Variants in ASCC3 observed in about 807,000 individuals in gnomAD.
ASCC3 encodes the protein activating signal cointegrator 1 complex subunit 3, also known as ASC-1 complex subunit P200.
ASCC3 carries 158 observed loss-of-function variants against 256.3 expected under a neutral mutation model. The ratio of observed to expected loss-of-function variants is 0.62; its 90% CI spans 0.54 to 0.70. The LOEUF (loss-of-function observed/expected upper bound fraction) is 0.70. ASCC3 is among the 30% of genes least tolerant of loss of function. ASCC3 has a pLI of 0.00. For missense variants in ASCC3, 2,259 were observed against 2,626.0 expected (o/e 0.86, Z 3.05); for synonymous variants, 948 against 883.4 (o/e 1.07, Z -1.30).
chr6:100,736,391 A>G (rs1267284600), intron 10 of ASCC3, among the ~76,000 whole-genome samples: 1 of 152,114 alleles, frequency 6.6e-6, no homozygotes, highest in Admixed American at 6.5e-5. Flanking sequence ...AATCCCAGCT[A>G]CTCAGAAGCT....
chr6:100,694,752 A>G (rs1778004433), intron 13 of ASCC3, among the ~76,000 whole-genome samples: 1 of 152,186 alleles, frequency 6.6e-6, no homozygotes, highest in Non-Finnish European at 1.5e-5. Context: ...CAAGATGTCC[A>G]CAGAGTAAAT....
intron 8 of ASCC3, among the ~76,000 whole-genome samples, chr6:100,776,075 C>T (rs1345276486): frequency 2.0e-5 from 3 of 151,986 alleles, no homozygotes; most frequent in Admixed American, 6.6e-5. Flanking sequence ...GAACTACATG[C>T]TAATAATATT....
At position 100,589,776 on chromosome 6, in the gene ASCC3, A is replaced by G. The variant is rs763432180; in HGVS notation, c.5416-8T>C. ...TTCAATGCTGCGATTATCCTATTTC[A>G]AAAGAATAACAAATGAAGAGTACGA... is the stretch of plus-strand genomic sequence containing the variant. On this transcript the variant is annotated splice_region_variant and splice_polypyrimidine_tract_variant and intron_variant, in intron 35 of 41. Transcript: ENST00000369162. The G allele has an allele frequency of 6.2e-7, 1 of 1,613,642 alleles. No homozygotes were observed. Among genetic ancestry groups the G allele is most frequent in the Non-Finnish European group, 8.5e-7 (1 of 1,179,750 alleles).
chr6:100,718,103 G>A lies in ASCC3; in HGVS notation c.2051C>T (p.Thr684Ile). The change falls in exon 12 of 42, where the codon ACA becomes ATA. Residue 684 changes from threonine (T) to isoleucine (I), a missense_variant. Thr to Ile is a moderately conservative substitution (Grantham distance 89, BLOSUM62 -1). Coordinates refer to ENST00000369162, the MANE Select transcript of ASCC3 (RefSeq NM_006828.4). ...GRFRPVPLGQ[T>I]FLGIKCANKM... ...ATTTGCACATTTAATCCCCAAAAAT[G>A]TCTGTCCAAGAGGTACTGGTCGAAA... 6.2e-7 allele frequency: 1 copy of A among 1,613,464 alleles called. No individual in the cohort carries two copies. The highest frequency in any genetic ancestry group is 8.5e-7 in the Non-Finnish European group (1 of 1,179,668).
At chr6:100,617,909 G>T (rs1166146808) in intron 30 of ASCC3, among the ~76,000 whole-genome samples, 1 of 152,044 alleles carries the variant, frequency 6.6e-6, no homozygotes, top group East Asian at 1.9e-4. Context: ...TTGGTTTAAG[G>T]GTTGCCGCCA....
intron 4 of ASCC3, among the ~76,000 whole-genome samples, chr6:100,831,324 T>TA (rs201555489): frequency 0.074 from 10,434 of 140,984 alleles, 834 homozygotes; most frequent in East Asian, 0.32. Flanking sequence ...CTCTTCTGGT[T>TA]AAAAAAAAAA....
intron 1 of ASCC3, among the ~76,000 whole-genome samples, chr6:100,873,149 G>T (rs201628265): frequency 1.0e-5 from 1 of 96,376 alleles, no homozygotes. Flanking sequence ...AACAATAAAT[G>T]AAGGGAGAAA....
intron 37 of ASCC3, among the ~76,000 whole-genome samples, chr6:100,531,610 A>C (rs1774880147): frequency 6.6e-6 from 1 of 151,840 alleles, no homozygotes; most frequent in Non-Finnish European, 1.5e-5. Context: ...TGTTGATGTG[A>C]CTAGAGTATC....
chr6:100,880,769 C>T (rs1199528470), intron 1 of ASCC3, among the ~76,000 whole-genome samples: 3 of 152,212 alleles, frequency 2.0e-5, no homozygotes, highest in South Asian at 4.1e-4. Context: ...ATGCATGGGA[C>T]AGAAAAACCT....
chr6:100,754,859 G>A (rs779074173), intron 10 of ASCC3, among the ~76,000 whole-genome samples: 3 of 151,990 alleles, frequency 2.0e-5, no homozygotes, highest in Admixed American at 6.6e-5. Flanking sequence ...TAAGTCTCAC[G>A]AGATTTGATG....
At chr6:100,812,888 C>T (rs1480575324) in intron 4 of ASCC3, among the ~76,000 whole-genome samples, 1 of 152,016 alleles carries the variant, frequency 6.6e-6, no homozygotes, top group African/African-American at 2.4e-5. Context: ...TATGATCACA[C>T]CACTGCTCTC....
intron 38 of ASCC3, among the ~76,000 whole-genome samples, 168 bp from the exon 39 acceptor site, chr6:100,516,495 CA>C (rs1375796583): frequency 1.3e-5 from 2 of 152,088 alleles, no homozygotes; most frequent in Non-Finnish European, 2.9e-5. Context: ...TATAGGATAA[CA>C]GCCCAAGGCA....
chr6:100,516,683 T>C (rs1774043820), intron 38 of ASCC3, among the ~76,000 whole-genome samples: 1 of 152,194 alleles, frequency 6.6e-6, no homozygotes, highest in Admixed American at 6.5e-5. Context: ...CAAATGTCTT[T>C]AATATAATTA....
chr6:100,640,474 T>C (rs239247), intron 24 of ASCC3, among the ~76,000 whole-genome samples: 89,156 of 151,956 alleles, frequency 0.59, 26,587 homozygotes, highest in East Asian at 0.73. Flanking sequence ...ATAAATAGGG[T>C]GATACATTCT....
chr6:100,838,034 A>T (rs1182899337), intron 4 of ASCC3, among the ~76,000 whole-genome samples: 3 of 152,134 alleles, frequency 2.0e-5, no homozygotes, highest in East Asian at 1.9e-4. Context: ...AACAAAATTT[A>T]AAAAAATTTT....
At chr6:100,731,338 T>C (rs1779894632) in intron 10 of ASCC3, among the ~76,000 whole-genome samples, 1 of 152,196 alleles carries the variant, frequency 6.6e-6, no homozygotes, top group African/African-American at 2.4e-5. Context: ...AGAATATACA[T>C]ACTGAAGTCT....
intron 10 of ASCC3, among the ~76,000 whole-genome samples, chr6:100,751,155 A>C (rs960369260): frequency 6.6e-6 from 1 of 152,024 alleles, no homozygotes; most frequent in Admixed American, 6.6e-5. Context: ...TTCTTCCTCA[A>C]GGTAGTTAGA....
rs367611634 is a variant in ASCC3, at chr6:100,772,246, A to G, written c.1396-4901T>C. Among the ~76,000 whole-genome samples, 50 of 152,326 alleles carry G rather than the reference A, an allele frequency of 3.3e-4. 5 individuals carry two copies. The East Asian group carries it at 4.8e-3, about 15-fold the overall frequency. ...AAACTAAATGTACAATAACTTTAAT[A>G]AAACAATCTAGCAAGTTTTTAAAAG... On this transcript the variant is annotated intron_variant, in intron 8 of 41. Coordinates refer to ENST00000369162, the MANE Select transcript of ASCC3 (RefSeq NM_006828.4).
In ASCC3 at chr6:100,518,157, T is replaced by C. The variant is rs1226471901; in HGVS notation, c.5776-15A>G. On this transcript the variant is annotated splice_polypyrimidine_tract_variant and intron_variant, in intron 37 of 41. Coordinates refer to ENST00000369162, the MANE Select transcript of ASCC3 (RefSeq NM_006828.4). ...TCCAGCATTGCCTGAACAGGGAAAA[T>C]GCACATGTTACAAGAATTATATCAT... The C allele has an allele frequency of 6.2e-7, 1 of 1,613,036 alleles. No individual in the cohort carries two copies. Among genetic ancestry groups the C allele is most frequent in the Non-Finnish European group, 8.5e-7 (1 of 1,179,480 alleles).
Sources: allele counts gnomAD v4.1 joint callset (sites outside exome capture counted in the v4.1 genomes callset), GRCh38; gene constraint gnomAD v4.1.1; transcripts MANE v1.5; gene names NCBI Gene and HGNC (gene_info 2026-07-23, HGNC 2026-07-21).